KIF2A: variants seen among roughly 807,000 people sequenced by gnomAD.
KIF2A encodes kinesin-like protein KIF2A.
A neutral mutation model predicts 100.2 loss-of-function variants in KIF2A; 22 were observed. The ratio of observed to expected loss-of-function variants is 0.22; its 90% CI spans 0.16 to 0.31. KIF2A has a LOEUF of 0.31. KIF2A is among the 10% of genes least tolerant of loss of function. KIF2A has a pLI of 1.00. For missense variants in KIF2A, 495 were observed against 898.7 expected (o/e 0.55, Z 5.74); for synonymous variants, 268 against 285.9 (o/e 0.94, Z 0.63).
Position 62,389,405 on chromosome 5 carries a change from G to A in KIF2A, c.*3836G>A, listed in dbSNP as rs1369231206. On this transcript the variant is annotated 3_prime_UTR_variant, in exon 21 of 21. Coordinates refer to ENST00000407818, the MANE Select transcript of KIF2A (RefSeq NM_001098511.3). ...GGTGGTTGAGGCAGGAGATTTGCCTGAACCCAGGAGGCGGAGGTTGCAGTG... is the reference window on the plus strand; with the variant it reads ...GGTGGTTGAGGCAGGAGATTTGCCTAAACCCAGGAGGCGGAGGTTGCAGTG... Among the ~76,000 whole-genome samples, 1 of 150,050 alleles carries A rather than the reference G, an allele frequency of 6.7e-6. No homozygotes were observed. Among genetic ancestry groups the A allele is most frequent in the Non-Finnish European group, 1.5e-5 (1 of 67,730 alleles).
intron 1 of KIF2A, among the ~76,000 whole-genome samples, chr5:62,343,487 C>T (rs1308303865): frequency 6.6e-6 from 1 of 152,278 alleles, no homozygotes; most frequent in Middle Eastern, 3.4e-3. Flanking sequence ...AATGAGGTCA[C>T]AGGTAATGCG....
At chr5:62,355,735 C>A (rs148128302) in intron 7 of KIF2A, among the ~76,000 whole-genome samples, 165 of 151,660 alleles carry the variant, frequency 1.1e-3, no homozygotes, top group Non-Finnish European at 1.0e-3. Context: ...TGGAAAAAAT[C>A]CTCTGCTGTT....
chr5:62,306,417 T>G lies in KIF2A; in HGVS notation c.-56T>G. 25 of 248,352 alleles carry G rather than the reference T, an allele frequency of 1.0e-4. No individual in the cohort carries two copies. Among genetic ancestry groups the G allele is most frequent in the Non-Finnish European group, 1.5e-4 (22 of 142,650 alleles). 15.4% of individuals were successfully genotyped at this position (248,352 alleles called of 1,614,324 possible). ...ACACCTACCCCGCCCCCTCCCCGCC[T>G]TTTCCGCCCTCCGGTCCCCCTCCCT... On this transcript the variant is annotated 5_prime_UTR_variant, in exon 1 of 21. Coordinates refer to ENST00000407818, the MANE Select transcript of KIF2A (RefSeq NM_001098511.3).
chr5:62,372,642 G>T, intron 17 of KIF2A, 91 bp downstream of exon 17: 1 of 737,164 alleles, frequency 1.4e-6, no homozygotes, highest in Non-Finnish European at 2.2e-6. Flanking sequence ...TTTTTGTCCT[G>T]AGCCATTTTA....
intron 1 of KIF2A, among the ~76,000 whole-genome samples, chr5:62,309,130 AT>A (rs1021035950): frequency 4.6e-5 from 7 of 152,228 alleles, no homozygotes; most frequent in African/African-American, 1.7e-4. Flanking sequence ...TGATTTATAC[AT>A]TTTAATTTCT....
intron 11 of KIF2A, 131 bp downstream of exon 11, chr5:62,361,660 G>A: frequency 1.8e-6 from 1 of 541,976 alleles, no homozygotes; most frequent in Non-Finnish European, 3.2e-6. Flanking sequence ...TCAATTATAG[G>A]TTATTAGATT....
At chr5:62,330,099 C>A (rs1445424283) in intron 1 of KIF2A, among the ~76,000 whole-genome samples, 5 of 152,016 alleles carry the variant, frequency 3.3e-5, no homozygotes, top group African/African-American at 7.2e-5. Flanking sequence ...GCCTGTAGAC[C>A]CAGCACTTTG....
At chr5:62,379,161 T>C (rs1464023047) in intron 19 of KIF2A, among the ~76,000 whole-genome samples, 1 of 152,140 alleles carries the variant, frequency 6.6e-6, no homozygotes, top group African/African-American at 2.4e-5. Flanking sequence ...GAACAAGGTA[T>C]CCTATAAAGA....
At chr5:62,336,753 G>A (rs1746974938) in intron 1 of KIF2A, among the ~76,000 whole-genome samples, 1 of 152,140 alleles carries the variant, frequency 6.6e-6, no homozygotes, top group African/African-American at 2.4e-5. Flanking sequence ...AGTAAAATAT[G>A]CCCAAAGTAA....
intron 1 of KIF2A, among the ~76,000 whole-genome samples, chr5:62,337,848 A>G (rs1747053356): frequency 6.6e-6 from 1 of 152,020 alleles, no homozygotes; most frequent in Admixed American, 6.5e-5. Context: ...AGAAAGGAAA[A>G]TTGCTGGCCA....
At chr5:62,358,082 A>G (rs1748207330) in intron 8 of KIF2A, 55 bp from the exon 9 acceptor site, 11 of 1,293,032 alleles carry the variant, frequency 8.5e-6, no homozygotes, top group Non-Finnish European at 1.2e-5. Context: ...AATTTTGTAC[A>G]TGAACTCAAA....
chr5:62,330,078 C>T (rs1746558005), intron 1 of KIF2A, among the ~76,000 whole-genome samples: 2 of 152,300 alleles, frequency 1.3e-5, no homozygotes, highest in African/African-American at 2.4e-5. Flanking sequence ...GGGCCGGGCA[C>T]AGTGGCTTAT....
At chr5:62,359,180 ATT>A (rs901438378) in intron 9 of KIF2A, among the ~76,000 whole-genome samples, 2 of 152,182 alleles carry the variant, frequency 1.3e-5, no homozygotes, top group Non-Finnish European at 2.9e-5. Context: ...GGTATCTCAA[ATT>A]TTTATGCCAG....
At chr5:62,383,232 T>A in intron 20 of KIF2A, among the ~76,000 whole-genome samples, 2 of 40,080 alleles carry the variant, frequency 5.0e-5, no homozygotes, top group East Asian at 1.2e-3. Context: ...TGGCCAGATT[T>A]TTTTTTTTTT....
At chr5:62,337,184 A>C (rs1747004852) in intron 1 of KIF2A, among the ~76,000 whole-genome samples, 1 of 152,156 alleles carries the variant, frequency 6.6e-6, no homozygotes. Flanking sequence ...TGCCATAGAA[A>C]ATCATTTTAT....
chr5:62,318,753 T>C (rs73119531), intron 1 of KIF2A, among the ~76,000 whole-genome samples: 3,269 of 152,298 alleles, frequency 0.021, 128 homozygotes, highest in African/African-American at 0.075. Context: ...TCACATAGTA[T>C]TCTCTTTCTG....
intron 13 of KIF2A, 138 bp downstream of exon 13, chr5:62,363,458 TGTGA>T (rs1268938828): frequency 1.2e-6 from 1 of 805,496 alleles, no homozygotes; most frequent in Non-Finnish European, 1.9e-6. Flanking sequence ...TACATGTAAA[TGTGA>T]GTGACAATTA....
intron 18 of KIF2A, among the ~76,000 whole-genome samples, chr5:62,374,387 C>T (rs1240976733): frequency 2.0e-5 from 3 of 152,124 alleles, no homozygotes; most frequent in Non-Finnish European, 4.4e-5. Context: ...GCTCATAAAC[C>T]CAAAACATGT....
chr5:62,312,247 A>T (rs12655562), intron 1 of KIF2A, among the ~76,000 whole-genome samples: 1 of 152,174 alleles, frequency 6.6e-6, no homozygotes, highest in African/African-American at 2.4e-5. Context: ...CTCTGGGGAA[A>T]GGCTATGTGT....
Sources: allele counts gnomAD v4.1 joint callset (sites outside exome capture counted in the v4.1 genomes callset), GRCh38; gene constraint gnomAD v4.1.1; transcripts MANE v1.5; gene names NCBI Gene and HGNC (gene_info 2026-07-23, HGNC 2026-07-21).